UBE4B: variants seen among roughly 807,000 people sequenced by gnomAD.
UBE4B encodes the protein ubiquitination factor E4B, also known as ubiquitin conjugation factor E4 B.
UBE4B carries 27 observed loss-of-function variants against 148.1 expected under a neutral mutation model. The observed-to-expected ratio is 0.18, with a 90% confidence interval of 0.13 to 0.25. The LOEUF (loss-of-function observed/expected upper bound fraction) is 0.25, where lower values mean the gene tolerates loss of function less well. Ranked by LOEUF, UBE4B falls within the 10% of genes least tolerant of loss-of-function variation. The pLI is 1.00. For missense variants in UBE4B, 1,170 were observed against 1,662.4 expected, an observed-to-expected ratio of 0.70 and a Z score of 5.15; for synonymous variants, 596 against 619.3, an observed-to-expected ratio of 0.96 and a Z score of 0.56.
At position 10,106,365 on chromosome 1, in the gene UBE4B, A is replaced by T. The variant is rs1645108508; in HGVS notation, c.978A>T (p.Ser326=). Residue 326 remains serine, a synonymous_variant, in exon 7 of 28, where the codon TCA becomes TCT. Coordinates refer to ENST00000343090, the MANE Select transcript of UBE4B (RefSeq NM_001105562.3). The surrounding 1 kb of genome is among the most constrained non-coding windows in gnomAD (Gnocchi z 4.2). ...GAACTGCTGCGGGAAGCCAGCCTTC[A>T]TCCCCGCGGTATCGCCCCTACACTG... ...ASGTAAGSQP[S]SPRYRPYTVT... is the part of the protein sequence containing the mutation. 1 of 1,613,596 alleles carries T rather than the reference A, an allele frequency of 6.2e-7. No individual in the cohort carries two copies.
At chr1:10,119,306 A>G (rs1354329981) in intron 8 of UBE4B, among the ~76,000 whole-genome samples, 2 of 152,166 alleles carry the variant, frequency 1.3e-5, no homozygotes, top group African/African-American at 2.4e-5. Context: ...TGGTCACCTC[A>G]AACTTACGCT....
intron 8 of UBE4B, among the ~76,000 whole-genome samples, chr1:10,118,313 T>C (rs1003675650): frequency 6.6e-6 from 1 of 152,116 alleles, no homozygotes; most frequent in East Asian, 1.9e-4. Flanking sequence ...GGAAGCGAAA[T>C]GAGTGGGCAT....
chr1:10,178,732 A>G lies in UBE4B; in HGVS notation c.3614A>G (p.Lys1205Arg). Residue 1205 changes from lysine to arginine, a missense_variant, in exon 26 of 28, where the codon AAG becomes AGG. Physicochemically the swap from Lys to Arg is conservative, Grantham distance 26. Transcript: ENST00000343090. Reference protein sequence around the residue: ...IKSTIAIEKFKLLAEKVEEIV... With the variant: ...IKSTIAIEKFRLLAEKVEEIV... Reference sequence around the variant, plus strand: ...TCCACAATAGCAATAGAAAAATTTAAGCTGCTCGCCGAGAAAGTGGAGGAG... The same window carrying G: ...TCCACAATAGCAATAGAAAAATTTAGGCTGCTCGCCGAGAAAGTGGAGGAG... The G allele has an allele frequency of 6.2e-7, 1 of 1,613,926 alleles. No individual in the cohort carries two copies.
At chr1:10,097,637 C>A (rs547150980) in intron 3 of UBE4B, among the ~76,000 whole-genome samples, 1 of 152,166 alleles carries the variant, frequency 6.6e-6, no homozygotes, top group Admixed American at 6.5e-5. Flanking sequence ...TGTTGAAACC[C>A]CGTATCTACT....
chr1:10,156,487 A>G (rs145909236), intron 21 of UBE4B, among the ~76,000 whole-genome samples: 2,655 of 152,034 alleles, frequency 0.017, 35 homozygotes, highest in Non-Finnish European at 0.027. Flanking sequence ...TGATCTGCCC[A>G]CCCGGGCCTC....
At chr1:10,045,807 A>G (rs1388003883) in intron 1 of UBE4B, among the ~76,000 whole-genome samples, 1 of 152,210 alleles carries the variant, frequency 6.6e-6, no homozygotes, top group Non-Finnish European at 1.5e-5. Flanking sequence ...TTTTGTGGGT[A>G]GAGCCAATAG....
chr1:10,150,752 C>T (rs1177107977), intron 20 of UBE4B, among the ~76,000 whole-genome samples: 1 of 150,732 alleles, frequency 6.6e-6, no homozygotes. Flanking sequence ...CCCAGCTACT[C>T]AGGAGGCTGA....
intron 25 of UBE4B, among the ~76,000 whole-genome samples, chr1:10,175,413 A>G (rs977636510): frequency 3.9e-5 from 6 of 152,212 alleles, no homozygotes; most frequent in South Asian, 4.2e-4. Context: ...GCACTTTGGG[A>G]GGCCAAGGCG....
At position 10,180,981 on chromosome 1, in the gene UBE4B, CACAG is replaced by C. The variant is rs1003241872; in HGVS notation, c.*1029_*1032del. On this transcript the variant is annotated 3_prime_UTR_variant, in exon 28 of 28. Transcript: ENST00000343090. ...GAGTATGTCTGCCGGTTTCAACACA[CACAG>C]ACAAACACAGCCACACGCGCACACA... 2.0e-5 allele frequency: 3 copies of C among 151,944 alleles called. No homozygotes were observed. The highest frequency in any genetic ancestry group is 7.3e-5 in the African/African-American group (3 of 41,216). 9.4% of individuals were successfully genotyped at this position (151,944 alleles called of 1,614,324 possible). A position where few individuals can be genotyped will look rare whatever the true frequency, so the allele number is the denominator to read the frequency against.
chr1:10,054,216 T>C (rs1005680243), intron 1 of UBE4B, among the ~76,000 whole-genome samples: 4 of 152,184 alleles, frequency 2.6e-5, no homozygotes, highest in African/African-American at 9.6e-5. Context: ...GTAAGTAATA[T>C]CTGGCTGTTT....
rs1643957427 is a variant in UBE4B at position 10,048,340 on chromosome 1, G to A, written c.24+14646G>A. Reference sequence around the variant, plus strand: ...GCCTGTTCTTTGTCCATATGGAGATGTGAAATAGGTTGTATAGGAGTTTGC... The same window carrying A: ...GCCTGTTCTTTGTCCATATGGAGATATGAAATAGGTTGTATAGGAGTTTGC... On this transcript the variant is annotated intron_variant, in intron 1 of 27. Transcript: ENST00000343090. 1.3e-5 allele frequency among the ~76,000 whole-genome samples: 2 copies of A among 152,206 alleles called. 1 individual carries two copies. The highest frequency in any genetic ancestry group is 1.3e-4 in the Admixed American group (2 of 15,276).
At chr1:10,065,494 T>C (rs1644370384) in intron 1 of UBE4B, among the ~76,000 whole-genome samples, 1 of 152,180 alleles carries the variant, frequency 6.6e-6, no homozygotes, top group Non-Finnish European at 1.5e-5. Context: ...TTCCCCACGC[T>C]GCAGGGGTAG....
At chr1:10,152,294 A>C (rs1396499778) in intron 21 of UBE4B, among the ~76,000 whole-genome samples, 3 of 144,344 alleles carry the variant, frequency 2.1e-5, no homozygotes, top group African/African-American at 2.7e-5. Flanking sequence ...AATAATAATA[A>C]TACCACTTTT....
intron 12 of UBE4B, 21 bp from the exon 13 acceptor site, chr1:10,130,479 G>T (rs376240719): frequency 8.7e-6 from 14 of 1,608,812 alleles, no homozygotes; most frequent in South Asian, 7.7e-5. Context: ...GGCTTGACTG[G>T]CTCTTCCATC....
At position 10,072,018 on chromosome 1, in the gene UBE4B, C is replaced by T; in HGVS notation, c.25-10C>T. The T allele has an allele frequency of 6.4e-7, 1 of 1,567,658 alleles. No individual in the cohort carries two copies. ...TAGTTATAGAATGCCCTTTTCCCCT[C>T]ATGTTGTAGATTCGACGGAGGCGCC... is the stretch of plus-strand genomic sequence containing the variant. On this transcript the variant is annotated splice_polypyrimidine_tract_variant and intron_variant, in intron 1 of 27. Coordinates refer to ENST00000343090, the MANE Select transcript of UBE4B (RefSeq NM_001105562.3).
At chr1:10,097,959 C>T (rs1644955306) in intron 3 of UBE4B, among the ~76,000 whole-genome samples, 1 of 152,022 alleles carries the variant, frequency 6.6e-6, no homozygotes, top group Non-Finnish European at 1.5e-5. Context: ...CAACCTCCGC[C>T]TCCTGGGTTC....
In UBE4B at chr1:10,119,584, A is replaced by G. The variant is rs1463221418; in HGVS notation, c.1410A>G (p.Leu470=). The G allele has an allele frequency of 7.4e-6, 12 of 1,613,414 alleles. No homozygotes were observed. The highest frequency in any genetic ancestry group is 1.3e-5 in the African/African-American group (1 of 75,010). Residue 470 remains leucine, a synonymous_variant, in exon 9 of 28, where the codon TTA becomes TTG. Coordinates refer to ENST00000343090, the MANE Select transcript of UBE4B (RefSeq NM_001105562.3). ...CACAGTGCATATCCCATACTGCTTT[A>G]GTACTACAAGGCTCCCTAACACAGC... ...IRSQCISHTA[L]VLQGSLTQPR...
At chr1:10,113,337 A>G (rs1645252860) in intron 7 of UBE4B, among the ~76,000 whole-genome samples, 1 of 151,920 alleles carries the variant, frequency 6.6e-6, no homozygotes, top group Non-Finnish European at 1.5e-5. Flanking sequence ...TGATCCAGTC[A>G]CCTCCCACTA....
intron 1 of UBE4B, among the ~76,000 whole-genome samples, chr1:10,060,440 T>A (rs1305277488): frequency 6.6e-6 from 1 of 152,104 alleles, no homozygotes; most frequent in Non-Finnish European, 1.5e-5. Flanking sequence ...ATTATAATCT[T>A]ACCGGACCAC....
Sources: gnomAD v4.1 joint callset for allele counts (sites outside exome capture counted in the v4.1 genomes callset) on GRCh38, gnomAD v4.1.1 for gene constraint, Gnocchi (gnomAD v3.1) non-coding constraint, MANE v1.5 for transcripts, NCBI Gene and HGNC (gene_info 2026-07-23, HGNC 2026-07-21) for gene names.